CDC42EP4: variants seen among roughly 807,000 people sequenced by gnomAD.
CDC42EP4 encodes CDC42 effector protein 4.
CDC42EP4 carries 6 observed loss-of-function variants against 5.6 expected under a neutral mutation model. The ratio of observed to expected loss-of-function variants is 1.07; its 90% confidence interval spans 0.59 to 2.12. The LOEUF is 2.12. Ranked by LOEUF, CDC42EP4 falls within the 30% of genes most tolerant of loss-of-function variation. The probability of loss-of-function intolerance (pLI) is 0.00; values close to 1 mark genes in which losing one functional copy is unlikely to be tolerated. For synonymous variants in CDC42EP4, 230 were observed against 224.2 expected (o/e 1.03, Z -0.23); for missense variants, 490 against 508.6 (o/e 0.96, Z 0.35).
intron 1 of CDC42EP4, among the ~76,000 whole-genome samples, chr17:73,289,743 A>AAGGGAGGGAGGAAGGG (rs2062151666): frequency 7.4e-5 from 7 of 94,690 alleles, no homozygotes; most frequent in Admixed American, 1.2e-4. Context: ...GGGAGGGAGG[A>AAGGGAGGGAGGAAGGG]AGGGAGGGAG....
intron 1 of CDC42EP4, among the ~76,000 whole-genome samples, chr17:73,287,976 G>A (rs2062142563): frequency 6.6e-6 from 1 of 152,078 alleles, no homozygotes; most frequent in South Asian, 2.1e-4. Context: ...TTGATCCAAT[G>A]ACTAGTCCCC....
intron 1 of CDC42EP4, among the ~76,000 whole-genome samples, chr17:73,295,855 A>T (rs1434422933): frequency 1.3e-5 from 2 of 150,544 alleles, no homozygotes; most frequent in African/African-American, 4.9e-5. Context: ...CAGCACACTG[A>T]GATCATGCCA....
At chr17:73,300,232 T>C (rs2062210963) in intron 1 of CDC42EP4, among the ~76,000 whole-genome samples, 1 of 152,132 alleles carries the variant, frequency 6.6e-6, no homozygotes, top group Non-Finnish European at 1.5e-5. Context: ...TCCTCTACTT[T>C]GATGGCCCCT....
intron 1 of CDC42EP4, among the ~76,000 whole-genome samples, chr17:73,294,222 G>A (rs1329689887): frequency 1.3e-5 from 2 of 152,166 alleles, no homozygotes; most frequent in Non-Finnish European, 2.9e-5. Context: ...ATGGTGGTGT[G>A]CACCTGTAGT....
At chr17:73,308,432 T>TC (rs2062255703) in intron 1 of CDC42EP4, among the ~76,000 whole-genome samples, 1 of 151,494 alleles carries the variant, frequency 6.6e-6, no homozygotes. Context: ...GACTCCTCCC[T>TC]CCCCCCACAG....
At chr17:73,294,149 G>A (rs9914320) in intron 1 of CDC42EP4, among the ~76,000 whole-genome samples, 29,178 of 151,982 alleles carry the variant, frequency 0.19, 3,119 homozygotes, top group Admixed American at 0.28. Flanking sequence ...TCAGGAGTTC[G>A]AGACCAGCCT....
intron 1 of CDC42EP4, among the ~76,000 whole-genome samples, chr17:73,305,828 G>C (rs2062242063): frequency 1.3e-5 from 2 of 152,184 alleles, no homozygotes; most frequent in African/African-American, 4.8e-5. Context: ...TAATTCAAAA[G>C]TCTGTACAGT....
At chr17:73,297,001 A>AAAAAAAAGC (rs547362762) in intron 1 of CDC42EP4, among the ~76,000 whole-genome samples, 1 of 61,734 alleles carries the variant, frequency 1.6e-5, no homozygotes, top group Admixed American at 2.3e-4. Context: ...AAAAAAAAAA[A>AAAAAAAAGC]AAATACACAA....
rs1295931446 is a variant in CDC42EP4, at chr17:73,292,822, A to G, written c.-112-6210T>C. ...TACATAGAGCCCTCCCTACCAGGCCACATAAAGAGTTCTGTTTTGTTTTTA... is the reference window on the plus strand; with the variant it reads ...TACATAGAGCCCTCCCTACCAGGCCGCATAAAGAGTTCTGTTTTGTTTTTA... On this transcript the variant is annotated intron_variant, in intron 1 of 1. Coordinates refer to ENST00000335793, the MANE Select transcript of CDC42EP4 (RefSeq NM_012121.5). Among the ~76,000 whole-genome samples, 3 of 152,222 alleles carry G rather than the reference A, an allele frequency of 2.0e-5. No individual in the cohort carries two copies. In the South Asian group the frequency reaches 6.2e-4, roughly 32 times the overall value.
intron 1 of CDC42EP4, among the ~76,000 whole-genome samples, chr17:73,305,981 C>G (rs9807098): frequency 0.24 from 37,020 of 152,006 alleles, 4,686 homozygotes; most frequent in East Asian, 0.36. Flanking sequence ...TGCCAGCAGT[C>G]GGGGGCAGGA....
chr17:73,297,001 A>AAAAAAAAAAAAAAAAACAC lies in CDC42EP4; in HGVS notation c.-112-10390_-112-10389insGTGTTTTTTTTTTTTTTTT, dbSNP rs547362762. On this transcript the variant is annotated intron_variant, in intron 1 of 1. Transcript: ENST00000335793. ...GTCTCAAAAAAAAAAAAAAAAAAAA[A>AAAAAAAAAAAAAAAAACAC]AAATACACAAGGCCAAGCGCCGTGG... Among the ~76,000 whole-genome samples, 59 of 61,768 alleles carry AAAAAAAAAAAAAAAAACAC rather than the reference A, an allele frequency of 9.6e-4. 17 individuals carry two copies. The highest frequency in any genetic ancestry group is 1.5e-3 in the Non-Finnish European group (45 of 30,032). 40.5% of individuals were successfully genotyped at this position (61,768 alleles called of 152,430 possible). A position where few individuals can be genotyped will look rare whatever the true frequency, so the allele number is the denominator to read the frequency against.
At position 73,286,175 on chromosome 17, in the gene CDC42EP4, G is replaced by A. The variant is rs776312011; in HGVS notation, c.326C>T (p.Ser109Leu). The A allele has an allele frequency of 2.8e-5, 45 of 1,614,120 alleles. No homozygotes were observed. The highest frequency in any genetic ancestry group is 3.6e-5 in the Non-Finnish European group (42 of 1,180,040). ...QRDMLGSLRD[S>L]ALFVKNAMSL... Reference sequence around the variant, plus strand: ...CATGGCATTCTTGACAAACAGGGCCGAGTCCCGCAGGGAGCCCAGCATGTC... The same window carrying A: ...CATGGCATTCTTGACAAACAGGGCCAAGTCCCGCAGGGAGCCCAGCATGTC... The change falls in exon 2 of 2, where the codon TCG becomes TTG. Residue 109 changes from serine to leucine, a missense_variant. Physicochemically the swap from Ser to Leu is moderately radical, Grantham distance 145. Transcript: ENST00000335793. The surrounding 1 kb of genome is among the most constrained non-coding windows in gnomAD (Gnocchi z 7.7).
chr17:73,287,083 T>C (rs1323266607), intron 1 of CDC42EP4, among the ~76,000 whole-genome samples: 1 of 152,166 alleles, frequency 6.6e-6, no homozygotes, highest in East Asian at 1.9e-4. Context: ...CCTGTGGAGT[T>C]AGTGGACACC....
intron 1 of CDC42EP4, among the ~76,000 whole-genome samples, chr17:73,294,308 C>T (rs1266693346): frequency 2.0e-5 from 3 of 152,038 alleles, no homozygotes; most frequent in South Asian, 2.1e-4. Flanking sequence ...GCTGAGATCG[C>T]GCCACTGCAT....
chr17:73,299,909 C>T (rs2062209795), intron 1 of CDC42EP4, among the ~76,000 whole-genome samples: 1 of 152,164 alleles, frequency 6.6e-6, no homozygotes, highest in Non-Finnish European at 1.5e-5. Context: ...TCTCAGGAAC[C>T]TCCCAATGTT....
intron 1 of CDC42EP4, among the ~76,000 whole-genome samples, chr17:73,292,206 C>T (rs1208852162): frequency 2.0e-5 from 3 of 152,238 alleles, no homozygotes; most frequent in Admixed American, 1.3e-4. Flanking sequence ...CCACTGCCTC[C>T]GCCACTGCTG....
intron 1 of CDC42EP4, among the ~76,000 whole-genome samples, chr17:73,303,000 C>T (rs1335118274): frequency 7.1e-6 from 1 of 140,056 alleles, no homozygotes; most frequent in African/African-American, 2.7e-5. Context: ...GCCGAGATGG[C>T]GCCACTGCAC....
At chr17:73,308,537 ACTT>A (rs1354999754) in intron 1 of CDC42EP4, among the ~76,000 whole-genome samples, 3 of 152,282 alleles carry the variant, frequency 2.0e-5, no homozygotes, top group Non-Finnish European at 2.9e-5. Flanking sequence ...CTGACTTCTG[ACTT>A]CTTCACTTCG....
At chr17:73,290,775 A>G (rs540935212) in intron 1 of CDC42EP4, among the ~76,000 whole-genome samples, 40 of 152,326 alleles carry the variant, frequency 2.6e-4, no homozygotes, top group African/African-American at 9.4e-4. Flanking sequence ...AGCTGCGTTA[A>G]GGGTTTCAAC....
Sources: allele counts gnomAD v4.1 joint callset (sites outside exome capture counted in the v4.1 genomes callset), GRCh38; gene constraint gnomAD v4.1.1; non-coding constraint Gnocchi (gnomAD v3.1); transcripts MANE v1.5; gene names NCBI Gene and HGNC (gene_info 2026-07-23, HGNC 2026-07-21).